Variants in SAMD12 observed in about 807,000 individuals in gnomAD.
SAMD12 encodes the protein sterile alpha motif domain containing 12, also known as sterile alpha motif domain-containing protein 12.
A neutral mutation model predicts 15.0 loss-of-function variants in SAMD12; 9 were observed. The ratio of observed to expected loss-of-function variants is 0.60; its 90% confidence interval spans 0.36 to 1.05. The LOEUF (loss-of-function observed/expected upper bound fraction) is 1.05, where lower values mean the gene tolerates loss of function less well. Ranked by LOEUF, SAMD12 falls within the 50% of genes least tolerant of loss-of-function variation. SAMD12 has a pLI of 0.01. For missense variants in SAMD12, 230 were observed against 234.2 expected, an observed-to-expected ratio of 0.98 and a Z score of 0.12; for synonymous variants, 86 against 90.1, an observed-to-expected ratio of 0.96 and a Z score of 0.25.
chr8:118,191,234 T>C (rs1819361890), exon 5 of SAMD12: 1 of 152,160 alleles, frequency 6.6e-6, no homozygotes, highest in Non-Finnish European at 1.5e-5. Context: ...GAGCTTCTTT[T>C]ACTAGTTAAA....
intron 4 of SAMD12, among the ~76,000 whole-genome samples, chr8:118,328,201 A>G (rs1196870776): frequency 6.6e-6 from 1 of 152,128 alleles, no homozygotes; most frequent in Non-Finnish European, 1.5e-5. Flanking sequence ...TCCTGATTGT[A>G]GCTTTATGAG....
chr8:118,347,938 G>A lies in SAMD12; in HGVS notation c.433+31622C>T, dbSNP rs771006995. On this transcript the variant is annotated intron_variant, in intron 4 of 4. Transcript: ENST00000409003. The stretch of plus-strand genomic sequence containing the variant: ...ATTGCACGCACTGAATCTGACTGCC[G>A]GGGCTAGTTTCCCAGCTGTGCCAGT... Among the ~76,000 whole-genome samples, 23 of 152,292 alleles carry A rather than the reference G, an allele frequency of 1.5e-4. No homozygotes were observed. In the South Asian group the frequency reaches 2.1e-3, roughly 14 times the overall value.
intron 3 of SAMD12, among the ~76,000 whole-genome samples, chr8:118,414,982 G>C (rs756857177): frequency 3.3e-5 from 5 of 152,162 alleles, no homozygotes; most frequent in Non-Finnish European, 7.4e-5. Flanking sequence ...ATTGTGATTA[G>C]TCATCTGTCA....
intron 2 of SAMD12, among the ~76,000 whole-genome samples, chr8:118,456,816 G>A (rs1823267463): frequency 6.6e-6 from 1 of 152,172 alleles, no homozygotes; most frequent in South Asian, 2.1e-4. Flanking sequence ...TTCTGTCACT[G>A]TACACTTTTT....
chr8:118,533,370 A>C (rs1825742708), intron 2 of SAMD12, among the ~76,000 whole-genome samples: 1 of 152,192 alleles, frequency 6.6e-6, no homozygotes, highest in Non-Finnish European at 1.5e-5. Flanking sequence ...CTATGTGGTC[A>C]ATTTTGGAAT....
chr8:118,162,170 A>G, the SAMD12 span, among the ~76,000 whole-genome samples: 7 of 66,784 alleles, frequency 1.0e-4, no homozygotes, highest in Admixed American at 4.4e-4. Context: ...AAAAAAAAAA[A>G]AAGAAGAAGA....
chr8:118,581,695 C>T (rs1453237183), intron 1 of SAMD12, among the ~76,000 whole-genome samples: 1 of 152,144 alleles, frequency 6.6e-6, no homozygotes, highest in East Asian at 1.9e-4. Flanking sequence ...CCTGTATTAT[C>T]AAATAAATAG....
At chr8:118,575,439 T>C (rs919926342) in intron 2 of SAMD12, among the ~76,000 whole-genome samples, 7 of 152,214 alleles carry the variant, frequency 4.6e-5, no homozygotes, top group Non-Finnish European at 7.3e-5. Flanking sequence ...TAACAGACCA[T>C]ATTTTCTTTT....
chr8:118,506,155 G>A (rs1824914706), intron 2 of SAMD12, among the ~76,000 whole-genome samples: 1 of 152,144 alleles, frequency 6.6e-6, no homozygotes, highest in African/African-American at 2.4e-5. Flanking sequence ...ACATGAAAGA[G>A]ACCAGGCTCC....
the SAMD12 span, among the ~76,000 whole-genome samples, chr8:118,133,299 G>A: frequency 6.6e-6 from 1 of 151,746 alleles, no homozygotes; most frequent in South Asian, 2.1e-4. Flanking sequence ...ATGGCTTATA[G>A]GGCATTTTGA....
At chr8:118,373,822 G>A (rs564521672), downstream of SAMD12, among the ~76,000 whole-genome samples, 33 of 152,030 alleles carry the variant, frequency 2.2e-4, no homozygotes, top group East Asian at 3.9e-3. Context: ...CACTTTCTAC[G>A]TATTTGCAGC....
intron 2 of SAMD12, among the ~76,000 whole-genome samples, chr8:118,553,245 C>A (rs1302977830): frequency 3.3e-5 from 5 of 152,138 alleles, no homozygotes; most frequent in African/African-American, 4.8e-5. Context: ...GCCAAAAGAA[C>A]AAAGCTGGAG....
At position 118,337,362 on chromosome 8, in the gene SAMD12, C is replaced by T. The variant is rs1158596732; in HGVS notation, c.433+42198G>A. Among the ~76,000 whole-genome samples the T allele has an allele frequency of 2.6e-5, 4 of 152,198 alleles. No homozygotes were observed. The South Asian group carries it at 6.2e-4, about 24-fold the overall frequency. On this transcript the variant is annotated intron_variant, in intron 4 of 4. Transcript: ENST00000409003. Reference sequence around the variant, plus strand: ...CTGGGTTTTAAGGTATTGATTGATTCAGACCCCTCCAAAGCAGGGAGACCA... The same window carrying T: ...CTGGGTTTTAAGGTATTGATTGATTTAGACCCCTCCAAAGCAGGGAGACCA...
At chr8:118,233,795 C>T (rs1256426978) in intron 4 of SAMD12, among the ~76,000 whole-genome samples, 5 of 152,174 alleles carry the variant, frequency 3.3e-5, no homozygotes, top group Admixed American at 2.6e-4. Flanking sequence ...GCACTTTTAT[C>T]ATTCTGGTAA....
rs1050050412 is a variant in SAMD12, at chr8:118,378,839, G to A, written c.*578C>T. The A allele has an allele frequency of 1.0e-6, 1 of 984,866 alleles. No individual in the cohort carries two copies. Among genetic ancestry groups the A allele is most frequent in the African/African-American group, 1.7e-5 (1 of 57,198 alleles). 61.0% of individuals were successfully genotyped at this position (984,866 alleles called of 1,614,324 possible). A position where few individuals can be genotyped will look rare whatever the true frequency, so the allele number is the denominator to read the frequency against. The stretch of plus-strand genomic sequence containing the variant: ...TTTCTTCGAATTCTAGCTTTATTTT[G>A]TCACTTCCACAGTTATTGAGATCTT... On this transcript the variant is annotated 3_prime_UTR_variant, in exon 4 of 4. Coordinates refer to ENST00000314727, the MANE Select transcript of SAMD12 (RefSeq NM_207506.3).
intron 2 of SAMD12, among the ~76,000 whole-genome samples, chr8:118,562,334 C>T (rs1826725167): frequency 6.6e-6 from 1 of 151,902 alleles, no homozygotes; most frequent in African/African-American, 2.4e-5. Flanking sequence ...TCAAGACTGC[C>T]AAGGAGGGGA....
intron 2 of SAMD12, among the ~76,000 whole-genome samples, chr8:118,503,023 C>G (rs187516931): frequency 1.2e-4 from 18 of 152,232 alleles, no homozygotes; most frequent in East Asian, 5.8e-4. Context: ...CAAAGAATGT[C>G]TGTGTGTGTG....
At chr8:118,316,951 G>A (rs1354080687) in intron 4 of SAMD12, among the ~76,000 whole-genome samples, 2 of 151,156 alleles carry the variant, frequency 1.3e-5, no homozygotes, top group East Asian at 3.9e-4. Flanking sequence ...CACCGTGCCT[G>A]TCAGAGATAC....
At chr8:118,526,662 G>C (rs1825546366) in intron 2 of SAMD12, among the ~76,000 whole-genome samples, 1 of 152,126 alleles carries the variant, frequency 6.6e-6, no homozygotes, top group Admixed American at 6.5e-5. Flanking sequence ...AGGCTGAAAG[G>C]GACAAGGTGA....
Sources: allele counts gnomAD v4.1 joint callset (sites outside exome capture counted in the v4.1 genomes callset), GRCh38; gene constraint gnomAD v4.1.1; transcripts MANE v1.5; gene names NCBI Gene and HGNC (gene_info 2026-07-23, HGNC 2026-07-21).